Variants in TGFB2 observed in about 807,000 individuals in gnomAD.
TGFB2 encodes the protein transforming growth factor beta-2 proprotein.
Under a neutral mutation model 42.7 loss-of-function variants are expected in TGFB2, and 13 were observed. The observed-to-expected ratio is 0.30, with a 90% CI of 0.20 to 0.48. The LOEUF (loss-of-function observed/expected upper bound fraction) is 0.48, where lower values mean the gene tolerates loss of function less well. Among genes scored for constraint, TGFB2 ranks in the 20% least tolerant of loss-of-function variants. The probability of loss-of-function intolerance (pLI) is 0.99; values close to 1 mark genes in which losing one functional copy is unlikely to be tolerated. For synonymous variants in TGFB2, 193 were observed against 193.6 expected (o/e 1.00, Z 0.03); for missense variants, 390 against 517.5 (o/e 0.75, Z 2.39).
chr1:218,388,760 G>T (rs888640129), intron 1 of TGFB2, among the ~76,000 whole-genome samples: 2 of 152,178 alleles, frequency 1.3e-5, no homozygotes, highest in African/African-American at 4.8e-5. Flanking sequence ...AGATACTTCC[G>T]CTCTCAGCAC....
intron 1 of TGFB2, among the ~76,000 whole-genome samples, chr1:218,394,642 TGTCTTTACATA>T (rs756761124): frequency 8.5e-5 from 13 of 152,182 alleles, no homozygotes; most frequent in Non-Finnish European, 1.8e-4. Flanking sequence ...TCGGAGACTC[TGTCTTTACATA>T]GCAGATGCTC....
At chr1:218,380,884 C>T (rs11118094) in intron 1 of TGFB2, among the ~76,000 whole-genome samples, 10,468 of 152,178 alleles carry the variant, frequency 0.069, 1,166 homozygotes, top group African/African-American at 0.23. Context: ...TTACCATGTG[C>T]CAGGCATAGT....
intron 2 of TGFB2, among the ~76,000 whole-genome samples, chr1:218,424,739 G>A (rs954995271): frequency 6.6e-6 from 1 of 152,220 alleles, no homozygotes; most frequent in Non-Finnish European, 1.5e-5. Context: ...TTGTGAATAA[G>A]AACAAAGGTT....
chr1:218,354,244 G>C (rs771864942), intron 1 of TGFB2, among the ~76,000 whole-genome samples: 1 of 152,196 alleles, frequency 6.6e-6, no homozygotes, highest in South Asian at 2.1e-4. Context: ...GAATCTGTGA[G>C]TTCAAAGAGG....
At chr1:218,378,129 C>A (rs559883075) in intron 1 of TGFB2, among the ~76,000 whole-genome samples, 62 of 151,876 alleles carry the variant, frequency 4.1e-4, no homozygotes, top group African/African-American at 1.4e-3. Context: ...GCCCCTGTCA[C>A]TATGCCTGGC....
At chr1:218,378,680 C>T (rs1444286290) in intron 1 of TGFB2, among the ~76,000 whole-genome samples, 4 of 151,994 alleles carry the variant, frequency 2.6e-5, no homozygotes, top group African/African-American at 9.7e-5. Context: ...GACCATAGCT[C>T]ACTGCAGCCT....
intron 1 of TGFB2, among the ~76,000 whole-genome samples, chr1:218,401,354 A>T (rs539474249): frequency 5.3e-4 from 80 of 152,188 alleles, no homozygotes; most frequent in African/African-American, 1.8e-3. Context: ...TCCGTCCCCA[A>T]AATATGGTTT....
chr1:218,400,123 A>G (rs2102589191), intron 1 of TGFB2, among the ~76,000 whole-genome samples: 1 of 152,170 alleles, frequency 6.6e-6, no homozygotes, highest in South Asian at 2.1e-4. Context: ...GTCCTTTAGT[A>G]CTTAAGAATC....
chr1:218,391,952 A>G (rs898637810), intron 1 of TGFB2, among the ~76,000 whole-genome samples: 1 of 152,252 alleles, frequency 6.6e-6, no homozygotes, highest in African/African-American at 2.4e-5. Flanking sequence ...GAGAACAACT[A>G]GAACAAGTGA....
intron 1 of TGFB2, among the ~76,000 whole-genome samples, chr1:218,378,752 G>A (rs1489944814): frequency 7.0e-6 from 1 of 143,498 alleles, no homozygotes; most frequent in African/African-American, 2.6e-5. Flanking sequence ...GATCACAGGG[G>A]TGCTACACCA....
chr1:218,407,031 G>C (rs934329776), intron 2 of TGFB2, among the ~76,000 whole-genome samples: 1 of 152,132 alleles, frequency 6.6e-6, no homozygotes, highest in African/African-American at 2.4e-5. Flanking sequence ...TGAAAATAGA[G>C]AACTACCACA....
chr1:218,422,935 ATGAC>A (rs1347721444), intron 2 of TGFB2, among the ~76,000 whole-genome samples: 1 of 152,238 alleles, frequency 6.6e-6, no homozygotes, highest in Non-Finnish European at 1.5e-5. Context: ...CAATGAATGA[ATGAC>A]TGAACAAACA....
chr1:218,404,727 G>A (rs1658849626), intron 1 of TGFB2, among the ~76,000 whole-genome samples: 1 of 152,118 alleles, frequency 6.6e-6, no homozygotes, highest in Non-Finnish European at 1.5e-5. Flanking sequence ...AAGATTATTT[G>A]GATGACAAAC....
At position 218,437,449 on chromosome 1, in the gene TGFB2, G is replaced by A; in HGVS notation, c.1039G>A (p.Ala347Thr). ...EPKGYNANFC[A>T]GACPYLWSSD... ...CAAAGGGTACAATGCCAACTTCTGTGCTGGAGCATGCCCGTATTTATGGAG... is the reference window on the plus strand; with the variant it reads ...CAAAGGGTACAATGCCAACTTCTGTACTGGAGCATGCCCGTATTTATGGAG... Residue 347 changes from alanine (A) to threonine (T), a missense_variant, in exon 6 of 7, where the codon GCT (alanine) becomes ACT (threonine). Ala to Thr is a moderately conservative substitution (Grantham distance 58). Coordinates refer to ENST00000366930, the MANE Select transcript of TGFB2 (RefSeq NM_003238.6). The A allele has an allele frequency of 6.2e-7, 1 of 1,613,472 alleles. No homozygotes were observed. Among genetic ancestry groups the A allele is most frequent in the Non-Finnish European group, 8.5e-7 (1 of 1,179,842 alleles).
chr1:218,388,468 T>G (rs1658209613), intron 1 of TGFB2, among the ~76,000 whole-genome samples: 1 of 152,212 alleles, frequency 6.6e-6, no homozygotes, highest in African/African-American at 2.4e-5. Flanking sequence ...CCCACTGAGG[T>G]GGACCCGTGG....
At chr1:218,411,864 CAA>C (rs34140547) in intron 2 of TGFB2, among the ~76,000 whole-genome samples, 1,215 of 88,718 alleles carry the variant, frequency 0.014, 15 homozygotes, top group African/African-American at 0.037. Context: ...AATTCAGTCT[CAA>C]AAAAAAAAAA....
chr1:218,415,308 G>T (rs1187183347), intron 2 of TGFB2, among the ~76,000 whole-genome samples: 1 of 152,124 alleles, frequency 6.6e-6, no homozygotes, highest in African/African-American at 2.4e-5. Flanking sequence ...CTTGCTGTAG[G>T]GTCTGGGTTC....
At chr1:218,405,614 C>G in intron 2 of TGFB2, 1 of 434,920 alleles carries the variant, frequency 2.3e-6, no homozygotes, top group Non-Finnish European at 4.3e-6. Context: ...AGCAATCTTC[C>G]CACCTTGGCC....
Position 218,346,614 on chromosome 1 carries a change from C to A in TGFB2, c.-88C>A. The A allele has an allele frequency of 8.2e-7, 1 of 1,214,974 alleles. No homozygotes were observed. Among genetic ancestry groups the A allele is most frequent in the South Asian group, 1.5e-5 (1 of 64,964 alleles). The allele number at this position is 1,214,974 out of a possible 1,614,324, so 75.3% of individuals were successfully genotyped here. On this transcript the variant is annotated 5_prime_UTR_variant, in exon 1 of 7. Coordinates refer to ENST00000366930, the MANE Select transcript of TGFB2 (RefSeq NM_003238.6). This position sits in a 1 kb window ranked among gnomAD's most constrained non-coding sequence, Gnocchi z 4.9. ...ACAACAACAACAAAAAACCAAACAA[C>A]TCTCCTTGATCTATACTTTGAGAAT...
Sources: allele counts gnomAD v4.1 joint callset (sites outside exome capture counted in the v4.1 genomes callset), GRCh38; gene constraint gnomAD v4.1.1; non-coding constraint Gnocchi (gnomAD v3.1); transcripts MANE v1.5; gene names NCBI Gene and HGNC (gene_info 2026-07-23, HGNC 2026-07-21).